The following IQCF2 variants were observed in gnomAD, a reference collection of about 807,000 sequenced individuals.
The protein encoded by IQCF2 is IQ domain-containing protein F2.
Under a neutral mutation model 7.0 loss-of-function variants are expected in IQCF2, and 6 were observed. That is an observed-to-expected ratio of 0.86 (90% confidence interval 0.47 to 1.70). The LOEUF (loss-of-function observed/expected upper bound fraction) is 1.70. IQCF2 is among the 40% of genes most tolerant of loss of function. The pLI, the probability that IQCF2 is intolerant of heterozygous loss-of-function variation, is 0.01. For synonymous variants in IQCF2, 67 were observed against 74.0 expected (o/e 0.91, Z 0.48); for missense variants, 174 against 204.6 (o/e 0.85, Z 0.91).
intron 2 of IQCF2, 61 bp from the exon 3 acceptor site, chr3:51,862,926 G>T: frequency 6.6e-7 from 1 of 1,523,772 alleles, no homozygotes; most frequent in Non-Finnish European, 8.8e-7. Context: ...GCTCCTTCCA[G>T]GAAGATCCTA....
At position 51,863,052 on chromosome 3, in the gene IQCF2, G is replaced by T. The variant is rs777859283; in HGVS notation, c.177G>T (p.Val59=). 6.2e-7 allele frequency: 1 copy of T among 1,614,128 alleles called. No homozygotes were observed. The highest frequency in any genetic ancestry group is 8.5e-7 in the Non-Finnish European group (1 of 1,180,052). The change falls in exon 3 of 3, where the codon GTG becomes GTT. Residue 59 remains valine (V), a synonymous_variant. Transcript: ENST00000333127. The part of the protein sequence containing the change: ...KIQAWWRGTL[V]RRTLLHAALR... Reference sequence around the variant, plus strand: ...AGGCCTGGTGGCGGGGCACCCTGGTGCGCAGGACACTGCTGCATGCAGCCC... The same window carrying T: ...AGGCCTGGTGGCGGGGCACCCTGGTTCGCAGGACACTGCTGCATGCAGCCC...
intron 2 of IQCF2, among the ~76,000 whole-genome samples, chr3:51,862,706 C>T (rs1286821614): frequency 6.6e-6 from 1 of 152,162 alleles, no homozygotes; most frequent in Non-Finnish European, 1.5e-5. Context: ...CCCACACATC[C>T]CTATTGCACC....
chr3:51,862,797 A>G (rs1698652240), intron 2 of IQCF2, among the ~76,000 whole-genome samples, 190 bp from the exon 3 acceptor site: 1 of 152,214 alleles, frequency 6.6e-6, no homozygotes, highest in African/African-American at 2.4e-5. Context: ...TCTAAGATTG[A>G]AGTGATGTGC....
Position 51,863,000 on chromosome 3 carries a change from T to C in IQCF2, c.125T>C (p.Ile42Thr). The part of the protein sequence containing the change: ...KQQKIKEKLR[I>T]RTKAAVKIQA... The stretch of plus-strand genomic sequence containing the variant: ...GTCTCTGCCTAGGAAAAACTTAGAA[T>C]AAGAACAAAAGCAGCTGTAAAGATC... The change falls in exon 3 of 3, where the codon ATA (isoleucine) becomes ACA (threonine). Residue 42 changes from isoleucine to threonine, a missense_variant. Coordinates refer to ENST00000333127, the MANE Select transcript of IQCF2 (RefSeq NM_203424.2). 1.9e-6 allele frequency: 3 copies of C among 1,604,366 alleles called. No individual in the cohort carries two copies. Among genetic ancestry groups the C allele is most frequent in the Non-Finnish European group, 2.6e-6 (3 of 1,173,406 alleles).
rs1698660263 is a variant in IQCF2, at chr3:51,863,334, T to C, written c.459T>C (p.Thr153=). 3 of 1,614,070 alleles carry C rather than the reference T, an allele frequency of 1.9e-6. No homozygotes were observed. In the East Asian group the frequency reaches 6.7e-5, roughly 36 times the overall value. Residue 153 remains threonine (T), a synonymous_variant, in exon 3 of 3, where the codon ACT becomes ACC. Coordinates refer to ENST00000333127, the MANE Select transcript of IQCF2 (RefSeq NM_203424.2). ...AGGGCCACTGTGTGGTCACAGCCAC[T>C]CACCTGCAGTTCCACATTGAGATCA... The part of the protein sequence containing the change: ...LLQGHCVVTA[T]HLQFHIEIIN...
Position 51,863,041 on chromosome 3 carries a change from G to A in IQCF2, c.166G>A (p.Gly56Ser). The A allele has an allele frequency of 6.2e-7, 1 of 1,613,994 alleles. No individual in the cohort carries two copies. The highest frequency in any genetic ancestry group is 8.5e-7 in the Non-Finnish European group (1 of 1,179,932). Residue 56 changes from glycine (G) to serine (S), a missense_variant, in exon 3 of 3, where the codon GGC becomes AGC. Physicochemically the swap from Gly to Ser is moderately conservative, Grantham distance 56 (BLOSUM62 0). Coordinates refer to ENST00000333127, the MANE Select transcript of IQCF2 (RefSeq NM_203424.2). ...AAVKIQAWWR[G>S]TLVRRTLLHA... is the part of the protein sequence containing the mutation. ...TGTAAAGATCCAGGCCTGGTGGCGG[G>A]GCACCCTGGTGCGCAGGACACTGCT...
At chr3:51,861,786 G>A in intron 1 of IQCF2, 72 bp from the exon 2 acceptor site, 1 of 1,570,524 alleles carries the variant, frequency 6.4e-7, no homozygotes, top group South Asian at 1.1e-5. Flanking sequence ...AGTAGTAATT[G>A]TCTTTGTATA....
chr3:51,862,028 A>G (rs117290822), intron 2 of IQCF2, 78 bp downstream of exon 2: 5 of 1,040,752 alleles, frequency 4.8e-6, no homozygotes, highest in Non-Finnish European at 2.9e-6. Flanking sequence ...TTTGCCTCTT[A>G]TCAATCCAGG....
chr3:51,862,100 C>A, intron 2 of IQCF2, 150 bp downstream of exon 2: 1 of 627,080 alleles, frequency 1.6e-6, no homozygotes, highest in East Asian at 2.8e-5. Context: ...TCAGTCTGGG[C>A]TGTCTGGATC....
At position 51,861,970 on chromosome 3, in the gene IQCF2, CT is replaced by C. The variant is rs986748060; in HGVS notation, c.111+22del. On this transcript the variant is annotated intron_variant, in intron 2 of 2. Transcript: ENST00000333127. ...ATCAAGGTGAGAAGAATTCCATGTA[CT>C]TAAGAGAAATCCAGAACATTTATAA... 3 of 1,554,872 alleles carry C rather than the reference CT, an allele frequency of 1.9e-6. No individual in the cohort carries two copies. Among genetic ancestry groups the C allele is most frequent in the Middle Eastern group, 1.7e-4 (1 of 5,950 alleles).
At chr3:51,861,798 A>C in intron 1 of IQCF2, 60 bp from the exon 2 acceptor site, 1 of 1,562,292 alleles carries the variant, frequency 6.4e-7, no homozygotes. Context: ...CTTTGTATAG[A>C]GCCATAGAGA....
intron 2 of IQCF2, among the ~76,000 whole-genome samples, chr3:51,862,479 A>G (rs1228144668): frequency 6.6e-6 from 1 of 151,594 alleles, no homozygotes; most frequent in African/African-American, 2.4e-5. Flanking sequence ...GAGAACTTGG[A>G]ATTAGAGAGT....
intron 2 of IQCF2, 58 bp downstream of exon 2, chr3:51,862,008 G>T: frequency 1.6e-6 from 2 of 1,283,698 alleles, no homozygotes; most frequent in Non-Finnish European, 1.1e-6. Flanking sequence ...TACATCATAA[G>T]GTGTAGGACT....
intron 2 of IQCF2, among the ~76,000 whole-genome samples, 172 bp downstream of exon 2, chr3:51,862,122 G>C (rs992369952): frequency 2.0e-5 from 3 of 152,042 alleles, no homozygotes; most frequent in Non-Finnish European, 1.5e-5. Context: ...GGGCCTGACT[G>C]AGATATTGAG....
At chr3:51,862,402 C>CAAAA (rs3058059) in intron 2 of IQCF2, among the ~76,000 whole-genome samples, 110 of 92,420 alleles carry the variant, frequency 1.2e-3, no homozygotes, top group Admixed American at 1.8e-3. Flanking sequence ...GACTCCTTCT[C>CAAAA]AAAAAAAAAA....
chr3:51,862,852 G>A lies in IQCF2; in HGVS notation c.112-135G>A, dbSNP rs909680677. On this transcript the variant is annotated intron_variant, in intron 2 of 2. Transcript: ENST00000333127. ...TCACCACCAGGTCTGATGGCTCCTA[G>A]TCAGTGTCCTGCTAACTTCCCTGAA... The A allele has an allele frequency of 2.8e-6, 3 of 1,063,128 alleles. No individual in the cohort carries two copies. In the African/African-American group the frequency reaches 4.8e-5, roughly 17 times the overall value. 65.9% of individuals were successfully genotyped at this position (1,063,128 alleles called of 1,614,324 possible).
Position 51,862,089 on chromosome 3 carries a change from C to T in IQCF2, c.111+139C>T, listed in dbSNP as rs1294354717. The T allele has an allele frequency of 1.2e-5, 8 of 646,166 alleles. No homozygotes were observed. In the Admixed American group the frequency reaches 2.2e-4, roughly 18 times the overall value. 40.0% of individuals were successfully genotyped at this position (646,166 alleles called of 1,614,324 possible). A position where few individuals can be genotyped will look rare whatever the true frequency, so the allele number is the denominator to read the frequency against. Reference sequence around the variant, plus strand: ...TGGCTCATTTTTCCTCCATTCTCTTCTCAGTCTGGGCTGTCTGGATCTGGG... The same window carrying T: ...TGGCTCATTTTTCCTCCATTCTCTTTTCAGTCTGGGCTGTCTGGATCTGGG... On this transcript the variant is annotated intron_variant, in intron 2 of 2. Transcript: ENST00000333127.
At chr3:51,862,529 T>A (rs1167987354) in intron 2 of IQCF2, among the ~76,000 whole-genome samples, 1 of 152,000 alleles carries the variant, frequency 6.6e-6, no homozygotes, top group Non-Finnish European at 1.5e-5. Context: ...GTAGAATATG[T>A]GGTCAGGGTA....
intron 1 of IQCF2, 68 bp downstream of exon 1, chr3:51,861,752 A>T (rs1698639289): frequency 6.3e-7 from 1 of 1,594,860 alleles, no homozygotes; most frequent in Non-Finnish European, 8.6e-7. Context: ...GCTTTACAGG[A>T]CTTGAGAAAA....
Sources: allele counts gnomAD v4.1 joint callset (sites outside exome capture counted in the v4.1 genomes callset), GRCh38; gene constraint gnomAD v4.1.1; transcripts MANE v1.5; gene names NCBI Gene and HGNC (gene_info 2026-07-23, HGNC 2026-07-21).